The following RBBP6 variants were observed in gnomAD, a reference collection of about 807,000 sequenced individuals.
The protein encoded by RBBP6 is E3 ubiquitin-protein ligase RBBP6.
In RBBP6, 25 loss-of-function variants were observed where a neutral mutation model predicts 167.7. That is an observed-to-expected ratio of 0.15 (90% CI 0.11 to 0.21). The LOEUF (loss-of-function observed/expected upper bound fraction) is 0.21, where lower values mean the gene tolerates loss of function less well. Ranked by LOEUF, RBBP6 falls within the 10% of genes least tolerant of loss-of-function variation. The pLI, the probability that RBBP6 is intolerant of heterozygous loss-of-function variation, is 1.00. For missense variants in RBBP6, 1,868 were observed against 2,134.2 expected, an observed-to-expected ratio of 0.88 and a Z score of 2.46; for synonymous variants, 789 against 735.8, an observed-to-expected ratio of 1.07 and a Z score of -1.17.
chr16:24,547,544 C>G (rs1326431259), intron 2 of RBBP6, among the ~76,000 whole-genome samples: 2 of 152,122 alleles, frequency 1.3e-5, no homozygotes, highest in Admixed American at 6.5e-5. Context: ...CTCACTGTAG[C>G]CTCCGGGCTC....
At chr16:24,557,067 C>T (rs1159664398) in intron 7 of RBBP6, among the ~76,000 whole-genome samples, 5 of 145,362 alleles carry the variant, frequency 3.4e-5, no homozygotes, top group Admixed American at 1.4e-4. Flanking sequence ...GGCACAATCT[C>T]GGCTAACTGC....
Position 24,563,270 on chromosome 16 carries a change from C to T in RBBP6, c.1361C>T (p.Ala454Val), listed in dbSNP as rs763486547. The change falls in exon 11 of 18, where the codon GCA (alanine) becomes GTA (valine). Residue 454 changes from alanine (A) to valine (V), a missense_variant. Coordinates refer to ENST00000319715, the MANE Select transcript of RBBP6 (RefSeq NM_006910.5). ...SEHSKGTSSIAITALMEEKGY... is the reference protein window; with the variant it reads ...SEHSKGTSSIVITALMEEKGY... ...CACTCAAAGGGAACCTCCTCAATTGCAATTACCGCTCTTATGGAAGAGAAG... is the reference window on the plus strand; with the variant it reads ...CACTCAAAGGGAACCTCCTCAATTGTAATTACCGCTCTTATGGAAGAGAAG... 1.9e-6 allele frequency: 3 copies of T among 1,610,806 alleles called. No individual in the cohort carries two copies. Among genetic ancestry groups the T allele is most frequent in the East Asian group, 4.5e-5 (2 of 44,762 alleles).
intron 8 of RBBP6, among the ~76,000 whole-genome samples, chr16:24,560,768 CTA>C (rs1201629340): frequency 4.6e-5 from 7 of 152,130 alleles, no homozygotes; most frequent in Admixed American, 1.3e-4. Context: ...TACAAGCAAT[CTA>C]GAGATTATTT....
rs1398883397 is a variant in RBBP6, at chr16:24,572,234, G to A, written c.5168G>A (p.Ser1723Asn). The change falls in exon 18 of 18, where the codon AGT (serine) becomes AAT (asparagine). Residue 1723 changes from serine to asparagine, a missense_variant. Ser to Asn is a conservative substitution (Grantham distance 46). Around this residue, in one of 7 missense-constraint regions of RBBP6, gnomAD observed 591 missense variants for 540.5 expected, o/e 1.09. Transcript: ENST00000319715. ...AGTAGCAGTGCCAGCTCAGCAGAAAGTCAGGACAGCAAGAAGAAGAAGAAA... is the reference window on the plus strand; with the variant it reads ...AGTAGCAGTGCCAGCTCAGCAGAAAATCAGGACAGCAAGAAGAAGAAGAAA... The part of the protein sequence containing the change: ...SHSSSASSAE[S>N]QDSKKKKKKK... The A allele has an allele frequency of 3.1e-6, 5 of 1,613,886 alleles. No individual in the cohort carries two copies. The highest frequency in any genetic ancestry group is 4.2e-6 in the Non-Finnish European group (5 of 1,180,010).
At chr16:24,553,581 A>T in intron 4 of RBBP6, 24 bp downstream of exon 4, 1 of 1,516,712 alleles carries the variant, frequency 6.6e-7, no homozygotes. Flanking sequence ...TATATTCTTG[A>T]AAATATAAGT....
At chr16:24,554,430 T>C (rs1255658492) in intron 4 of RBBP6, 1 of 151,884 alleles carries the variant, frequency 6.6e-6, no homozygotes, top group South Asian at 2.1e-4. Flanking sequence ...AAAAGATGGG[T>C]TTTCCATTAG....
chr16:24,551,976 A>G (rs1304848296), intron 3 of RBBP6, among the ~76,000 whole-genome samples: 2 of 151,712 alleles, frequency 1.3e-5, no homozygotes, highest in Admixed American at 1.3e-4. Flanking sequence ...GTTTTTTTCT[A>G]CTTACCACTT....
intron 1 of RBBP6, among the ~76,000 whole-genome samples, chr16:24,544,968 T>C (rs1436350278): frequency 6.6e-6 from 1 of 152,174 alleles, no homozygotes. Flanking sequence ...TCTTTATTTC[T>C]CACATCATAA....
chr16:24,563,613 C>A lies in RBBP6; in HGVS notation c.1469C>A (p.Pro490Gln), dbSNP rs1291125105. The A allele has an allele frequency of 6.2e-7, 1 of 1,611,290 alleles. No homozygotes were observed. Among genetic ancestry groups the A allele is most frequent in the East Asian group, 2.2e-5 (1 of 44,824 alleles). Reference protein sequence around the residue: ...LHGQLIPTTGPVRINTARPGG... With the variant: ...LHGQLIPTTGQVRINTARPGG... ...TGCTTTTATTTTTTGTTTCTAGGTC[C>A]AGTAAGAATAAATACTGCTCGTCCA... The change falls in exon 13 of 18, where the codon CCA becomes CAA. Residue 490 changes from proline (P) to glutamine (Q), a missense_variant. Physicochemically the swap from Pro to Gln is moderately conservative, Grantham distance 76 (BLOSUM62 -1). Transcript: ENST00000319715.
chr16:24,547,642 G>A (rs1005136008), intron 2 of RBBP6, among the ~76,000 whole-genome samples: 2 of 152,090 alleles, frequency 1.3e-5, no homozygotes, highest in African/African-American at 2.4e-5. Flanking sequence ...TTTTAGTAGA[G>A]ACTGGGTTTC....
intron 8 of RBBP6, among the ~76,000 whole-genome samples, chr16:24,560,105 G>GTTTT (rs1164371948): frequency 1.5e-5 from 2 of 135,012 alleles, no homozygotes. Context: ...CCTGTAGACA[G>GTTTT]TTTTTGTTTT....
chr16:24,558,491 G>GGT (rs1399125653), intron 7 of RBBP6: 1 of 984,686 alleles, frequency 1.0e-6, no homozygotes, highest in Non-Finnish European at 1.2e-6. Context: ...CTGGAATCGT[G>GGT]GTGATGTCTA....
intron 1 of RBBP6, among the ~76,000 whole-genome samples, chr16:24,542,141 ATCC>A (rs1898515453): frequency 6.6e-6 from 1 of 152,212 alleles, no homozygotes; most frequent in Admixed American, 6.5e-5. Flanking sequence ...GCTATGTGTA[ATCC>A]TCTGCCTAAG....
Position 24,540,488 on chromosome 16 carries a change from GTATT to G in RBBP6, c.-136_-133del, listed in dbSNP as rs1898458258. 4 of 746,478 alleles carry G rather than the reference GTATT, an allele frequency of 5.4e-6. No individual in the cohort carries two copies. In the South Asian group the frequency reaches 8.7e-5, roughly 16 times the overall value. The allele number at this position is 746,478 out of a possible 1,614,324, so 46.2% of individuals were successfully genotyped here. On this transcript the variant is annotated 5_prime_UTR_variant, in exon 1 of 18. Transcript: ENST00000319715. ...ACGAACCCCTGCTTGTGGTTGGGGG[GTATT>G]TAATCTGAGGCCTTAGGGTCCTTCG...
chr16:24,548,917 T>C, intron 2 of RBBP6, 28 bp from the exon 3 acceptor site: 2 of 1,565,886 alleles, frequency 1.3e-6, no homozygotes, highest in Non-Finnish European at 1.7e-6. Context: ...TAGCTAATGT[T>C]AATTTTTGTT....
chr16:24,549,092 T>C (rs570115601), intron 3 of RBBP6, 111 bp downstream of exon 3: 3 of 1,525,550 alleles, frequency 2.0e-6, no homozygotes, highest in African/African-American at 1.4e-5. Flanking sequence ...ATAGTACATA[T>C]TGTAAATAAA....
At chr16:24,556,728 C>T (rs1288332965) in intron 7 of RBBP6, among the ~76,000 whole-genome samples, 1 of 152,150 alleles carries the variant, frequency 6.6e-6, no homozygotes. Context: ...TCCTCATTCA[C>T]ATACATACTC....
At chr16:24,547,941 T>C (rs1184673273) in intron 2 of RBBP6, among the ~76,000 whole-genome samples, 1 of 152,228 alleles carries the variant, frequency 6.6e-6, no homozygotes, top group Non-Finnish European at 1.5e-5. Flanking sequence ...TATATGTTAA[T>C]GTACAATATA....
At chr16:24,543,021 T>A (rs763413528) in intron 1 of RBBP6, among the ~76,000 whole-genome samples, 4 of 152,172 alleles carry the variant, frequency 2.6e-5, no homozygotes, top group African/African-American at 9.7e-5. Context: ...AGTCCTCAAA[T>A]TAAGAGAGAA....
Sources: allele counts gnomAD v4.1 joint callset (sites outside exome capture counted in the v4.1 genomes callset), GRCh38; gene constraint gnomAD v4.1.1; regional missense constraint gnomAD v4.1.1; transcripts MANE v1.5; gene names NCBI Gene and HGNC (gene_info 2026-07-23, HGNC 2026-07-21).